The following SLC35B3 variants were observed in gnomAD, a reference collection of about 807,000 sequenced individuals.
The protein encoded by SLC35B3 is adenosine 3'-phospho 5'-phosphosulfate transporter 2.
Under a neutral mutation model 44.1 loss-of-function variants are expected in SLC35B3, and 35 were observed. The observed-to-expected ratio is 0.79, with a 90% CI of 0.61 to 1.05. The LOEUF is 1.05. SLC35B3 is among the 50% of genes least tolerant of loss of function. The pLI is 0.00. For missense variants in SLC35B3, 414 were observed against 476.4 expected, an observed-to-expected ratio of 0.87 and a Z score of 1.22; for synonymous variants, 146 against 167.3, an observed-to-expected ratio of 0.87 and a Z score of 0.98.
intron 4 of SLC35B3, among the ~76,000 whole-genome samples, chr6:8,426,223 T>A (rs2113452004): frequency 6.6e-6 from 1 of 152,334 alleles, no homozygotes; most frequent in African/African-American, 2.4e-5. Flanking sequence ...TTTGGAATAT[T>A]TGCATCTGCA....
At chr6:8,427,014 A>G (rs7751021) in intron 4 of SLC35B3, among the ~76,000 whole-genome samples, 77,240 of 152,032 alleles carry the variant, frequency 0.51, 20,798 homozygotes, top group African/African-American at 0.71. Flanking sequence ...CTAGAGATCT[A>G]TGGAACTTTG....
Position 8,434,499 on chromosome 6 carries a change from A to T in SLC35B3, c.-43-69T>A. 1 of 1,354,408 alleles carries T rather than the reference A, an allele frequency of 7.4e-7. No individual in the cohort carries two copies. The highest frequency in any genetic ancestry group is 1.0e-6 in the Non-Finnish European group (1 of 979,976). 83.9% of individuals were successfully genotyped at this position (1,354,408 alleles called of 1,614,324 possible). A position where few individuals can be genotyped will look rare whatever the true frequency, so the allele number is the denominator to read the frequency against. On this transcript the variant is annotated intron_variant, in intron 1 of 10. Coordinates refer to ENST00000644923, the MANE Select transcript of SLC35B3 (RefSeq NM_001370476.2). The surrounding 1 kb of genome is among the most constrained non-coding windows in gnomAD (Gnocchi z 6.3). Reference sequence around the variant, plus strand: ...CATTTCTTTGTACACACATCATTACACAAAGGTGGAGAAACCCTGTGCTAA... The same window carrying T: ...CATTTCTTTGTACACACATCATTACTCAAAGGTGGAGAAACCCTGTGCTAA...
At position 8,428,079 on chromosome 6, in the gene SLC35B3, A is replaced by T; in HGVS notation, c.298-21T>A. On this transcript the variant is annotated intron_variant, in intron 3 of 10. Transcript: ENST00000644923. The stretch of plus-strand genomic sequence containing the variant: ...AATTCCTGTCAAAAGACACATGAAC[A>T]CTGTTAAGTCCAAGGCAGCACACTA... 1.9e-6 allele frequency: 3 copies of T among 1,561,612 alleles called. No homozygotes were observed. In the Middle Eastern group the frequency reaches 5.2e-4, roughly 269 times the overall value.
intron 3 of SLC35B3, among the ~76,000 whole-genome samples, chr6:8,428,825 TGTGG>T (rs1293261426): frequency 5.9e-5 from 9 of 152,144 alleles, no homozygotes; most frequent in Non-Finnish European, 1.2e-4. Context: ...TGTTCTTCAT[TGTGG>T]CATCTCAAGT....
In SLC35B3 at chr6:8,433,455, A is replaced by G. The variant is rs1363567237; in HGVS notation, c.3+930T>C. On this transcript the variant is annotated intron_variant, in intron 2 of 10. Transcript: ENST00000644923. This position sits in a 1 kb window ranked among gnomAD's most constrained non-coding sequence, Gnocchi z 4.1. ...ATGTTCTGGCACATAACAAAAATGT[A>G]AGATTAAATGAAGGACTCTACCACA... Among the ~76,000 whole-genome samples, 2 of 152,224 alleles carry G rather than the reference A, an allele frequency of 1.3e-5. No individual in the cohort carries two copies. The highest frequency in any genetic ancestry group is 3.2e-3 in the Middle Eastern group (1 of 316).
At chr6:8,415,791 C>T (rs1240428000) in intron 9 of SLC35B3, among the ~76,000 whole-genome samples, 1 of 152,022 alleles carries the variant, frequency 6.6e-6, no homozygotes, top group African/African-American at 2.4e-5. Context: ...GGTATATGTT[C>T]CCTCTTCTCC....
intron 3 of SLC35B3, among the ~76,000 whole-genome samples, chr6:8,428,864 TCA>T (rs905959894): frequency 2.6e-5 from 4 of 152,156 alleles, no homozygotes; most frequent in Non-Finnish European, 4.4e-5. Flanking sequence ...TAGTGGAATA[TCA>T]GTTATTATAA....
At chr6:8,416,264 C>T (rs911568882) in intron 9 of SLC35B3, among the ~76,000 whole-genome samples, 1 of 152,144 alleles carries the variant, frequency 6.6e-6, no homozygotes, top group Admixed American at 6.6e-5. Context: ...CCTGCCTGTA[C>T]CTCTAAGGCA....
At chr6:8,414,875 C>A in intron 10 of SLC35B3, 33 bp downstream of exon 9, 1 of 1,324,506 alleles carries the variant, frequency 7.5e-7, no homozygotes, top group South Asian at 1.4e-5. Flanking sequence ...TATCTAAAAA[C>A]TGAGAAAAAT....
At position 8,429,754 on chromosome 6, in the gene SLC35B3, G is replaced by A. The variant is rs1763779211; in HGVS notation, c.297+110C>T. The A allele has an allele frequency of 6.8e-6, 5 of 735,884 alleles. No individual in the cohort carries two copies. In the South Asian group the frequency reaches 1.1e-4, roughly 16 times the overall value. The allele number at this position is 735,884 out of a possible 1,614,324, so 45.6% of individuals were successfully genotyped here. On this transcript the variant is annotated intron_variant, in intron 3 of 10. Coordinates refer to ENST00000644923, the MANE Select transcript of SLC35B3 (RefSeq NM_001370476.2). The stretch of plus-strand genomic sequence containing the variant: ...TCTATACTAAAAAATTCAAATTTAT[G>A]AATCAGCCAGTATCCCCTAAGTGAC...
Position 8,412,599 on chromosome 6 carries a change from G to A in SLC35B3, c.*950C>T, listed in dbSNP as rs1204421335. 2.0e-5 allele frequency among the ~76,000 whole-genome samples: 3 copies of A among 152,236 alleles called. No individual in the cohort carries two copies. The highest frequency in any genetic ancestry group is 3.9e-4 in the East Asian group (2 of 5,182). ...GCCTATATTCTACATAAAACTTAAA[G>A]CATGTCTTCTCTAAATCAGTGGTCC... On this transcript the variant is annotated 3_prime_UTR_variant, in exon 11 of 11. Coordinates refer to ENST00000644923, the MANE Select transcript of SLC35B3 (RefSeq NM_001370476.2).
chr6:8,435,081 G>T lies in SLC35B3; in HGVS notation c.-44+262C>A. 1 of 1,221,860 alleles carries T rather than the reference G, an allele frequency of 8.2e-7. No homozygotes were observed. The highest frequency in any genetic ancestry group is 1.0e-6 in the Non-Finnish European group (1 of 959,174). The allele number at this position is 1,221,860 out of a possible 1,614,324, so 75.7% of individuals were successfully genotyped here. A position where few individuals can be genotyped will look rare whatever the true frequency, so the allele number is the denominator to read the frequency against. ...GACCCCTTGAGGTCACCTCACCCCT[G>T]CGAGTCCACGGATTGGGACCTGAGG... On this transcript the variant is annotated intron_variant, in intron 1 of 10. Coordinates refer to ENST00000644923, the MANE Select transcript of SLC35B3 (RefSeq NM_001370476.2). This position sits in a 1 kb window ranked among gnomAD's most constrained non-coding sequence, Gnocchi z 5.5.
At position 8,421,357 on chromosome 6, in the gene SLC35B3, C is replaced by T. The variant is rs146719157; in HGVS notation, c.575-529G>A. ...TATGACTTTTTTGTAAGGTTTATAA[C>T]GACAATATTATATATGCCTAGTCAG... On this transcript the variant is annotated intron_variant, in intron 5 of 10. Transcript: ENST00000644923. Among the ~76,000 whole-genome samples, 1,273 of 152,108 alleles carry T rather than the reference C, an allele frequency of 8.4e-3. 19 individuals carry two copies. Among genetic ancestry groups the T allele is most frequent in the African/African-American group, 0.028 (1,181 of 41,514 alleles).
rs41302899 is a variant in SLC35B3 at position 8,413,407 on chromosome 6, C to T, written c.*142G>A. On this transcript the variant is annotated 3_prime_UTR_variant, in exon 11 of 11. Transcript: ENST00000644923. The stretch of plus-strand genomic sequence containing the variant: ...AATGCTCTGAAGAAAAGGCTGACAC[C>T]GCAAAACAACTTCATATGAAATCTG... 0.016 allele frequency: 11,078 copies of T among 693,194 alleles called. 124 individuals are homozygous for T. Among genetic ancestry groups the T allele is most frequent in the Non-Finnish European group, 0.02 (9,138 of 448,304 alleles). 42.9% of individuals were successfully genotyped at this position (693,194 alleles called of 1,614,324 possible). A position where few individuals can be genotyped will look rare whatever the true frequency, so the allele number is the denominator to read the frequency against.
chr6:8,416,376 C>G (rs1339860272), intron 9 of SLC35B3, among the ~76,000 whole-genome samples: 2 of 152,094 alleles, frequency 1.3e-5, no homozygotes, highest in African/African-American at 2.4e-5. Context: ...ACAAATACAA[C>G]TGATTTTTCT....
intron 3 of SLC35B3, among the ~76,000 whole-genome samples, chr6:8,429,369 T>C (rs913429136): frequency 9.9e-5 from 15 of 152,150 alleles, no homozygotes; most frequent in African/African-American, 3.4e-4. Flanking sequence ...CTGGCAAAGT[T>C]AGAAGACAAA....
chr6:8,428,404 A>C (rs1237845414), intron 3 of SLC35B3, among the ~76,000 whole-genome samples: 1 of 152,210 alleles, frequency 6.6e-6, no homozygotes, highest in African/African-American at 2.4e-5. Flanking sequence ...AATAAGTCAA[A>C]TTGATCAATA....
At chr6:8,423,261 T>C (rs1023557231) in intron 4 of SLC35B3, among the ~76,000 whole-genome samples, 4 of 152,236 alleles carry the variant, frequency 2.6e-5, no homozygotes, top group Admixed American at 6.5e-5. Context: ...TTAGGAAAAA[T>C]ACATCTATCC....
chr6:8,428,983 T>A lies in SLC35B3; in HGVS notation c.297+881A>T, dbSNP rs868658603. Among the ~76,000 whole-genome samples the A allele has an allele frequency of 4.6e-5, 7 of 152,288 alleles. No individual in the cohort carries two copies. The South Asian group carries it at 1.5e-3, about 32-fold the overall frequency. ...ATTCCATGTTCACTTACATTTCCCT[T>A]GATGATCATCTCTACAAGACAATGA... On this transcript the variant is annotated intron_variant, in intron 3 of 10. Coordinates refer to ENST00000644923, the MANE Select transcript of SLC35B3 (RefSeq NM_001370476.2).
Sources: gnomAD v4.1 joint callset for allele counts (sites outside exome capture counted in the v4.1 genomes callset) on GRCh38, gnomAD v4.1.1 for gene constraint, Gnocchi (gnomAD v3.1) non-coding constraint, MANE v1.5 for transcripts, NCBI Gene and HGNC (gene_info 2026-07-23, HGNC 2026-07-21) for gene names.